CLPB: variants seen among roughly 807,000 people sequenced by gnomAD.
CLPB encodes the protein ClpB family mitochondrial disaggregase, also known as mitochondrial disaggregase.
In CLPB, 40 loss-of-function variants were observed where a neutral mutation model predicts 78.4. The observed-to-expected ratio is 0.51, with a 90% CI of 0.40 to 0.66. CLPB has a LOEUF of 0.66. Among genes scored for constraint, CLPB ranks in the 30% least tolerant of loss-of-function variants. CLPB has a pLI of 0.00. For missense variants in CLPB, 780 were observed against 886.9 expected, an observed-to-expected ratio of 0.88 and a Z score of 1.53; for synonymous variants, 333 against 348.0, an observed-to-expected ratio of 0.96 and a Z score of 0.48.
intron 9 of CLPB, chr11:72,302,655 T>TC: frequency 2.9e-6 from 1 of 349,892 alleles, no homozygotes; most frequent in South Asian, 2.9e-5. Flanking sequence ...CACCCACCCA[T>TC]CCATCCATTC....
chr11:72,420,971 C>G (rs183302447), intron 2 of CLPB, among the ~76,000 whole-genome samples: 1 of 152,274 alleles, frequency 6.6e-6, no homozygotes, highest in East Asian at 1.9e-4. Flanking sequence ...ACCAGCCTGG[C>G]CAACATGGAG....
intron 5 of CLPB, among the ~76,000 whole-genome samples, chr11:72,353,390 T>C (rs1461798585): frequency 2.6e-5 from 4 of 152,178 alleles, no homozygotes; most frequent in Non-Finnish European, 5.9e-5. Flanking sequence ...GCATTATGAC[T>C]GTAAGGAGAA....
intron 5 of CLPB, chr11:72,337,196 T>C (rs756067820): frequency 1.4e-4 from 56 of 398,532 alleles, no homozygotes; most frequent in Non-Finnish European, 1.9e-4. Flanking sequence ...AATAGAGCTC[T>C]GGTCTTCTGA....
In CLPB at chr11:72,338,578, C is replaced by T. The variant is rs1349170467; in HGVS notation, c.776-8774G>A. 2.0e-5 allele frequency among the ~76,000 whole-genome samples: 3 copies of T among 152,342 alleles called. No individual in the cohort carries two copies. The South Asian group carries it at 6.2e-4, about 32-fold the overall frequency. On this transcript the variant is annotated intron_variant, in intron 5 of 15. Transcript: ENST00000538039. ...GCCAAACTCATCTTTGCCCATCACT[C>T]AGACTTTATGTTCTGCAGACTCGGG...
rs1211966647 is a variant in CLPB at position 72,286,347 on chromosome 11, A to C, written c.*7020T>G. On this transcript the variant is annotated 3_prime_UTR_variant, in exon 16 of 16. Coordinates refer to ENST00000538039, the MANE Select transcript of CLPB (RefSeq NM_001258392.3). The stretch of plus-strand genomic sequence containing the variant: ...CTAGACTCAAGGAATCTTCCACCTC[A>C]GCCTCGAGTAGCTGGGTATACAGGC... 1 of 150,634 alleles carries C rather than the reference A, an allele frequency of 6.6e-6. No homozygotes were observed. The highest frequency in any genetic ancestry group is 1.5e-5 in the Non-Finnish European group (1 of 67,836). 9.3% of individuals were successfully genotyped at this position (150,634 alleles called of 1,614,324 possible). A position where few individuals can be genotyped will look rare whatever the true frequency, so the allele number is the denominator to read the frequency against.
intron 9 of CLPB, 59 bp from the exon 10 acceptor site, chr11:72,302,407 T>C: frequency 6.7e-7 from 1 of 1,492,152 alleles, no homozygotes; most frequent in Non-Finnish European, 9.4e-7. Context: ...AAGAGAAGGG[T>C]TAGGGAGGAG....
At chr11:72,406,905 CGTGT>C (rs112611376) in intron 2 of CLPB, among the ~76,000 whole-genome samples, 7 of 151,648 alleles carry the variant, frequency 4.6e-5, no homozygotes, top group South Asian at 2.1e-4. Flanking sequence ...TGTGTAGGTA[CGTGT>C]GTGTGTGTAT....
chr11:72,358,862 C>T lies in CLPB; in HGVS notation c.775+18G>A. Reference sequence around the variant, plus strand: ...TTCCACTTCCCCCACCCCACCCCTCCTCCACCTCTGCTCTCACCTCCATCA... The same window carrying T: ...TTCCACTTCCCCCACCCCACCCCTCTTCCACCTCTGCTCTCACCTCCATCA... On this transcript the variant is annotated intron_variant, in intron 5 of 15. Transcript: ENST00000538039. The T allele has an allele frequency of 4.0e-6, 6 of 1,517,748 alleles. No individual in the cohort carries two copies. Among genetic ancestry groups the T allele is most frequent in the Non-Finnish European group, 5.4e-6 (6 of 1,116,292 alleles). 94.0% of individuals were successfully genotyped at this position (1,517,748 alleles called of 1,614,324 possible).
intron 3 of CLPB, among the ~76,000 whole-genome samples, chr11:72,392,979 C>CAGCT (rs1855298178): frequency 6.6e-6 from 1 of 152,278 alleles, no homozygotes; most frequent in African/African-American, 2.4e-5. Flanking sequence ...CAGGTCATAG[C>CAGCT]AGCTAGCTGG....
At chr11:72,398,560 T>G (rs1380216075) in intron 3 of CLPB, among the ~76,000 whole-genome samples, 7 of 152,082 alleles carry the variant, frequency 4.6e-5, no homozygotes, top group Admixed American at 1.3e-4. Flanking sequence ...TTTTCCTTCT[T>G]AAAGAAAAAC....
intron 3 of CLPB, among the ~76,000 whole-genome samples, chr11:72,394,052 T>C (rs935895861): frequency 1.3e-5 from 2 of 152,210 alleles, no homozygotes; most frequent in African/African-American, 4.8e-5. Context: ...TGTCCATTCA[T>C]ACATAAACAA....
intron 2 of CLPB, among the ~76,000 whole-genome samples, chr11:72,406,089 T>C (rs1855701350): frequency 6.6e-6 from 1 of 152,066 alleles, no homozygotes; most frequent in African/African-American, 2.4e-5. Context: ...ATTATAAAAT[T>C]AACCTAATCA....
At chr11:72,395,276 A>G (rs564352816) in intron 3 of CLPB, among the ~76,000 whole-genome samples, 2 of 152,156 alleles carry the variant, frequency 1.3e-5, no homozygotes, top group South Asian at 4.1e-4. Context: ...CATATAATAC[A>G]TCATGGGTCA....
chr11:72,399,008 C>T (rs563423970), intron 3 of CLPB, among the ~76,000 whole-genome samples: 1 of 151,904 alleles, frequency 6.6e-6, no homozygotes, highest in African/African-American at 2.4e-5. Context: ...CACCTGACAC[C>T]ACAGAGTTTT....
In CLPB at chr11:72,308,623, G is replaced by T. The variant is rs780093815; in HGVS notation, c.989-19C>A. 6 of 1,608,512 alleles carry T rather than the reference G, an allele frequency of 3.7e-6. No homozygotes were observed. The South Asian group carries it at 6.6e-5, about 18-fold the overall frequency. The stretch of plus-strand genomic sequence containing the variant: ...CGGATCGCTACGGCCAAACACACAA[G>T]ATCAGGGGACAGGGAGGGAGGCAGA... On this transcript the variant is annotated intron_variant, in intron 7 of 15. Transcript: ENST00000538039.
chr11:72,430,644 G>T, intron 1 of CLPB: 3 of 457,474 alleles, frequency 6.6e-6, no homozygotes, highest in South Asian at 2.6e-5. Flanking sequence ...TCTTGCCTAT[G>T]GTAAATAATG....
chr11:72,349,215 T>C (rs1950569031), intron 5 of CLPB, among the ~76,000 whole-genome samples: 1 of 152,216 alleles, frequency 6.6e-6, no homozygotes, highest in Non-Finnish European at 1.5e-5. Context: ...GGGAAGGGCT[T>C]GCTTGACAGC....
chr11:72,370,020 T>G (rs1951015253), intron 4 of CLPB, among the ~76,000 whole-genome samples: 2 of 152,144 alleles, frequency 1.3e-5, no homozygotes. Flanking sequence ...CAATAAAGCG[T>G]CAGGGGGAGC....
chr11:72,294,674 G>A lies in CLPB; in HGVS notation c.1506C>T (p.Asp502=). The change falls in exon 13 of 16, where the codon GAC becomes GAT. Residue 502 remains aspartate, a synonymous_variant. Transcript: ENST00000538039. ...TGAAGTTCTTTGAGATGGTGATCTTGTCACTTATCTGGACATCCCCTGTGG... is the reference window on the plus strand; with the variant it reads ...TGAAGTTCTTTGAGATGGTGATCTTATCACTTATCTGGACATCCCCTGTGG... The part of the protein sequence containing the change: ...AENLGDVQIS[D]KITISKNFKE... 6.2e-7 allele frequency: 1 copy of A among 1,613,994 alleles called. No homozygotes were observed. The highest frequency in any genetic ancestry group is 1.1e-5 in the South Asian group (1 of 91,086).
Sources: gnomAD v4.1 joint callset for allele counts (sites outside exome capture counted in the v4.1 genomes callset) on GRCh38, gnomAD v4.1.1 for gene constraint, MANE v1.5 for transcripts, NCBI Gene and HGNC (gene_info 2026-07-23, HGNC 2026-07-21) for gene names.